SNX10: variants seen among roughly 807,000 people sequenced by gnomAD.
SNX10 encodes sorting nexin 10, also known as sorting nexin-10.
In SNX10, 25 loss-of-function variants were observed where a neutral mutation model predicts 28.5. That is an observed-to-expected ratio of 0.88 (90% confidence interval 0.64 to 1.22). The LOEUF is 1.22. SNX10 is among the 50% of genes most tolerant of loss of function. The pLI, the probability that SNX10 is intolerant of heterozygous loss-of-function variation, is 0.00. For missense variants in SNX10, 223 were observed against 242.6 expected, an observed-to-expected ratio of 0.92 and a Z score of 0.54; for synonymous variants, 62 against 81.4, an observed-to-expected ratio of 0.76 and a Z score of 1.28.
chr7:26,312,119 C>T (rs1464223467), intron 1 of SNX10, among the ~76,000 whole-genome samples: 1 of 152,158 alleles, frequency 6.6e-6, no homozygotes, highest in Non-Finnish European at 1.5e-5. Flanking sequence ...TGGCCCATAG[C>T]ACATTATGGC....
intron 2 of SNX10, among the ~76,000 whole-genome samples, chr7:26,351,549 A>C (rs1020337991): frequency 3.3e-5 from 5 of 152,140 alleles, no homozygotes; most frequent in Non-Finnish European, 7.4e-5. Context: ...AGAGGAGCCC[A>C]AGGAAACACA....
rs1444892975 is a variant in SNX10 at position 26,344,416 on chromosome 7, G to A, written c.-23-2004G>A. ...ACTCCTGACCTCAGGTAATCTGCTT[G>A]CCTTGGCCTCCCAAAGTGCTAGGAT... On this transcript the variant is annotated intron_variant, in intron 1 of 6. Coordinates refer to ENST00000338523, the MANE Select transcript of SNX10 (RefSeq NM_013322.3). Among the ~76,000 whole-genome samples the A allele has an allele frequency of 4.6e-5, 7 of 151,548 alleles. No individual in the cohort carries two copies. In the South Asian group the frequency reaches 1.3e-3, roughly 27 times the overall value.
intron 1 of SNX10, among the ~76,000 whole-genome samples, chr7:26,314,728 G>T (rs937960163): frequency 1.3e-5 from 2 of 152,194 alleles, no homozygotes; most frequent in Non-Finnish European, 2.9e-5. Flanking sequence ...GGCCAGGCGT[G>T]GTGGCTCATG....
Position 26,364,500 on chromosome 7 carries a change from C to T in SNX10, c.112-35C>T, listed in dbSNP as rs1186576173. 6.4e-7 allele frequency: 1 copy of T among 1,561,810 alleles called. No homozygotes were observed. Among genetic ancestry groups the T allele is most frequent in the Admixed American group, 2.0e-5 (1 of 50,940 alleles). ...GATACAAGAAATGCATTTTTTTCCT[C>T]AGGTAAGACTCATTTTTCTACTTTC... On this transcript the variant is annotated intron_variant, in intron 3 of 6. Coordinates refer to ENST00000338523, the MANE Select transcript of SNX10 (RefSeq NM_013322.3). This position sits in a 1 kb window ranked among gnomAD's most constrained non-coding sequence, Gnocchi z 4.9.
chr7:26,346,584 A>G, intron 2 of SNX10, 118 bp downstream of exon 2: 1 of 790,874 alleles, frequency 1.3e-6, no homozygotes. Flanking sequence ...GAAAGACCAA[A>G]GGCCCACCCT....
chr7:26,308,007 A>G (rs1023640213), intron 1 of SNX10, among the ~76,000 whole-genome samples: 4 of 152,204 alleles, frequency 2.6e-5, no homozygotes, highest in Non-Finnish European at 4.4e-5. Context: ...TTCCAACAGG[A>G]TAGAAGTCCA....
chr7:26,306,579 G>A (rs1158433973), intron 1 of SNX10, among the ~76,000 whole-genome samples: 1 of 151,800 alleles, frequency 6.6e-6, no homozygotes, highest in African/African-American at 2.4e-5. Flanking sequence ...TAATGTTTTT[G>A]TATTTTTGTA....
chr7:26,341,708 C>T (rs1274799873), intron 1 of SNX10, among the ~76,000 whole-genome samples: 2 of 152,120 alleles, frequency 1.3e-5, no homozygotes, highest in South Asian at 2.1e-4. Context: ...TGGTCTTGAA[C>T]TCCTGACCTC....
intron 1 of SNX10, among the ~76,000 whole-genome samples, chr7:26,310,340 T>A (rs1416368311): frequency 1.3e-5 from 2 of 152,354 alleles, no homozygotes; most frequent in Non-Finnish European, 2.9e-5. Flanking sequence ...TGCCAGGCAC[T>A]GTGCTAAGTG....
Position 26,372,522 on chromosome 7 carries a change from G to A in SNX10, c.556G>A (p.Asp186Asn). Residue 186 changes from aspartate to asparagine, a missense_variant, in exon 7 of 7, where the codon GAC (aspartate) becomes AAC (asparagine). Transcript: ENST00000338523. Reference protein sequence around the residue: ...SSSGLGHSSDDSSSHGCKVNT... With the variant: ...SSSGLGHSSDNSSSHGCKVNT... ...CTCTGGGCTTGGACACAGTAGTGAT[G>A]ACAGCAGTTCACATGGATGTAAAGT... 6.2e-7 allele frequency: 1 copy of A among 1,610,006 alleles called. No homozygotes were observed. The highest frequency in any genetic ancestry group is 2.2e-5 in the East Asian group (1 of 44,834).
At chr7:26,366,314 T>A (rs1456830453) in intron 5 of SNX10, among the ~76,000 whole-genome samples, 1 of 152,200 alleles carries the variant, frequency 6.6e-6, no homozygotes, top group African/African-American at 2.4e-5. Context: ...TTATTTCTAT[T>A]AGATTGACTT....
intron 1 of SNX10, among the ~76,000 whole-genome samples, chr7:26,306,951 A>T (rs767846171): frequency 1.3e-5 from 2 of 152,170 alleles, no homozygotes; most frequent in Non-Finnish European, 2.9e-5. Flanking sequence ...GCAGAATGTG[A>T]ATTCACAACC....
intron 1 of SNX10, among the ~76,000 whole-genome samples, chr7:26,319,219 G>C (rs1584111213): frequency 1.3e-5 from 2 of 152,324 alleles, no homozygotes; most frequent in South Asian, 4.1e-4. Context: ...CGTAGATATT[G>C]TAGCAGTATC....
chr7:26,346,374 A>G lies in SNX10; in HGVS notation c.-23-46A>G, dbSNP rs76506203. Reference sequence around the variant, plus strand: ...AGGCCATGAGTGGTGTATCCACTCCAGTTTGGAGGTTCCAAATGACCCAGT... The same window carrying G: ...AGGCCATGAGTGGTGTATCCACTCCGGTTTGGAGGTTCCAAATGACCCAGT... On this transcript the variant is annotated intron_variant, in intron 1 of 6. Transcript: ENST00000338523. 2.9e-4 allele frequency: 349 copies of G among 1,202,268 alleles called. 2 individuals are homozygous for G. The East Asian group carries it at 7.6e-3, about 26-fold the overall frequency. The allele number at this position is 1,202,268 out of a possible 1,614,324, so 74.5% of individuals were successfully genotyped here.
At chr7:26,311,461 C>T (rs1189921397) in intron 1 of SNX10, among the ~76,000 whole-genome samples, 1 of 152,186 alleles carries the variant, frequency 6.6e-6, no homozygotes, top group Non-Finnish European at 1.5e-5. Flanking sequence ...CTATCATTGA[C>T]ATACTTGAGA....
At chr7:26,335,133 G>A (rs1787876127) in intron 1 of SNX10, among the ~76,000 whole-genome samples, 1 of 152,230 alleles carries the variant, frequency 6.6e-6, no homozygotes, top group Non-Finnish European at 1.5e-5. Context: ...CACTGGGAAA[G>A]TGGCCCCAGG....
intron 5 of SNX10, chr7:26,370,750 A>G (rs2128028510): frequency 6.6e-6 from 1 of 152,320 alleles, no homozygotes; most frequent in South Asian, 2.1e-4. Context: ...TCTGAAATAC[A>G]TGATCTATTT....
chr7:26,362,792 C>T (rs149068087), intron 3 of SNX10, among the ~76,000 whole-genome samples: 313 of 152,280 alleles, frequency 2.1e-3, no homozygotes, highest in Non-Finnish European at 3.8e-3. Context: ...GGGATCTTAA[C>T]ATTTACTTGG....
chr7:26,365,862 T>C (rs1210113491), intron 5 of SNX10, among the ~76,000 whole-genome samples: 1 of 152,190 alleles, frequency 6.6e-6, no homozygotes, highest in Non-Finnish European at 1.5e-5. Context: ...GCTGGGGGCT[T>C]GGGCAGATCA....
Sources: gnomAD v4.1 joint callset for allele counts (sites outside exome capture counted in the v4.1 genomes callset) on GRCh38, gnomAD v4.1.1 for gene constraint, Gnocchi (gnomAD v3.1) non-coding constraint, MANE v1.5 for transcripts, NCBI Gene and HGNC (gene_info 2026-07-23, HGNC 2026-07-21) for gene names.